Variants in NOX4 observed in about 807,000 individuals in gnomAD.
NOX4 encodes the protein NADPH oxidase 4.
A neutral mutation model predicts 87.6 loss-of-function variants in NOX4; 69 were observed. The observed-to-expected ratio is 0.79, with a 90% CI of 0.65 to 0.96. The LOEUF (loss-of-function observed/expected upper bound fraction) is 0.96, where lower values mean the gene tolerates loss of function less well. NOX4 is among the 40% of genes least tolerant of loss of function. NOX4 has a pLI of 0.00. For synonymous variants in NOX4, 275 were observed against 238.2 expected, an observed-to-expected ratio of 1.15 and a Z score of -1.42; for missense variants, 680 against 681.5, an observed-to-expected ratio of 1.00 and a Z score of 0.02.
At chr11:89,579,407 C>A in the NOX4 span, among the ~76,000 whole-genome samples, 14 of 151,704 alleles carry the variant, frequency 9.2e-5, no homozygotes, top group Non-Finnish European at 1.8e-4. Context: ...TGTGTGGGGA[C>A]AGAGAGTGTG....
chr11:89,400,168 T>C, intron 10 of NOX4, 47 bp downstream of exon 10: 1 of 1,587,720 alleles, frequency 6.3e-7, no homozygotes, highest in Non-Finnish European at 8.6e-7. Context: ...TTCCAAAAAT[T>C]ACATAAGGAT....
the NOX4 span, among the ~76,000 whole-genome samples, chr11:89,510,005 C>T: frequency 9.2e-5 from 14 of 152,006 alleles, no homozygotes; most frequent in Admixed American, 3.3e-4. Context: ...TTTGAACCTA[C>T]GGAGTGGTAA....
chr11:89,471,888 C>T (rs1945960583), intron 2 of NOX4, among the ~76,000 whole-genome samples: 1 of 152,184 alleles, frequency 6.6e-6, no homozygotes, highest in African/African-American at 2.4e-5. Context: ...ATTACAGGTG[C>T]ATAGCACCAC....
In NOX4 at chr11:89,491,301, C is replaced by A. The variant is rs1591381147; in HGVS notation, c.-55G>T. ...GCCCGCCGGACCGAGAAGGAGCGGGCGGCGGCCGGGGCAGCGGTTACAGTT... is the reference window on the plus strand; with the variant it reads ...GCCCGCCGGACCGAGAAGGAGCGGGAGGCGGCCGGGGCAGCGGTTACAGTT... On this transcript the variant is annotated 5_prime_UTR_variant, in exon 1 of 18. Transcript: ENST00000263317. 4 of 1,544,054 alleles carry A rather than the reference C, an allele frequency of 2.6e-6. No homozygotes were observed. The highest frequency in any genetic ancestry group is 1.2e-5 in the South Asian group (1 of 85,800).
At chr11:89,546,085 A>G in the NOX4 span, among the ~76,000 whole-genome samples, 1 of 152,192 alleles carries the variant, frequency 6.6e-6, no homozygotes, top group African/African-American at 2.4e-5. Context: ...ATTAGTTATT[A>G]ACCTACTGAA....
chr11:89,351,258 G>A (rs560571435), intron 13 of NOX4, among the ~76,000 whole-genome samples: 20 of 152,274 alleles, frequency 1.3e-4, no homozygotes, highest in Non-Finnish European at 2.9e-4. Flanking sequence ...TCTATTCCAT[G>A]AAGGCTGACA....
intron 11 of NOX4, among the ~76,000 whole-genome samples, chr11:89,382,742 C>A (rs185013974): frequency 3.3e-5 from 5 of 152,062 alleles, no homozygotes; most frequent in Non-Finnish European, 7.4e-5. Context: ...CCTGTTCACA[C>A]CCAGTCTGGC....
the NOX4 span, among the ~76,000 whole-genome samples, chr11:89,584,045 C>T: frequency 6.6e-6 from 1 of 152,096 alleles, no homozygotes; most frequent in Non-Finnish European, 1.5e-5. Flanking sequence ...CTGTTACTAT[C>T]GTAACAGTAA....
the NOX4 span, among the ~76,000 whole-genome samples, chr11:89,542,728 C>T: frequency 2.6e-5 from 4 of 152,166 alleles, no homozygotes; most frequent in Admixed American, 6.5e-5. Flanking sequence ...ATGCAATGAG[C>T]ATCGCATCCT....
intron 8 of NOX4, 139 bp downstream of exon 8, chr11:89,421,763 G>A (rs77667101): frequency 0.013 from 6,620 of 526,542 alleles, 382 homozygotes; most frequent in African/African-American, 0.12. Flanking sequence ...CATTCTTGAC[G>A]TTATCCTCAA....
At chr11:89,457,965 T>G (rs1033048054) in intron 2 of NOX4, among the ~76,000 whole-genome samples, 2 of 152,170 alleles carry the variant, frequency 1.3e-5, no homozygotes, top group African/African-American at 4.8e-5. Context: ...TCATTATAGT[T>G]AAAATGGCCA....
chr11:89,414,738 A>C (rs1419181455), intron 8 of NOX4, among the ~76,000 whole-genome samples: 1 of 151,786 alleles, frequency 6.6e-6, no homozygotes, highest in Non-Finnish European at 1.5e-5. Flanking sequence ...ACCATAAAGA[A>C]GCCATTTTCT....
At chr11:89,517,332 T>G in the NOX4 span, among the ~76,000 whole-genome samples, 2 of 152,104 alleles carry the variant, frequency 1.3e-5, no homozygotes, top group Admixed American at 6.6e-5. Context: ...AGTTTTTAAG[T>G]TATTTGGTTG....
chr11:89,348,405 A>G (rs544638989), intron 13 of NOX4, among the ~76,000 whole-genome samples: 97 of 150,164 alleles, frequency 6.5e-4, no homozygotes, highest in African/African-American at 2.3e-3. Context: ...ACAGAGTAAG[A>G]CTCCATCTCA....
chr11:89,360,176 G>A (rs1224025416), intron 12 of NOX4, among the ~76,000 whole-genome samples: 1 of 151,936 alleles, frequency 6.6e-6, no homozygotes, highest in Non-Finnish European at 1.5e-5. Flanking sequence ...CATTGTTTTG[G>A]CAATATAGGC....
chr11:89,548,998 T>G, the NOX4 span, among the ~76,000 whole-genome samples: 2 of 152,212 alleles, frequency 1.3e-5, no homozygotes, highest in Non-Finnish European at 2.9e-5. Flanking sequence ...AAGCACCATA[T>G]ATAACAAATC....
the NOX4 span, among the ~76,000 whole-genome samples, chr11:89,555,091 C>A: frequency 6.6e-6 from 1 of 152,154 alleles, no homozygotes; most frequent in East Asian, 1.9e-4. Flanking sequence ...TAGTTTCCTG[C>A]CCCAGTTCTC....
rs576874721 is a variant in NOX4 at position 89,425,639 on chromosome 11, G to C, written c.549-3657C>G. Among the ~76,000 whole-genome samples the C allele has an allele frequency of 2.4e-4, 36 of 151,998 alleles. No homozygotes were observed. In the South Asian group the frequency reaches 6.9e-3, roughly 29 times the overall value. ...TGGTAAAATACATATGTATATAAGAGAGAAAAAATGATTTGGGGGTAGGAG... is the reference window on the plus strand; with the variant it reads ...TGGTAAAATACATATGTATATAAGACAGAAAAAATGATTTGGGGGTAGGAG... On this transcript the variant is annotated intron_variant, in intron 7 of 17. Coordinates refer to ENST00000263317, the MANE Select transcript of NOX4 (RefSeq NM_016931.5).
intron 8 of NOX4, among the ~76,000 whole-genome samples, chr11:89,419,154 C>T (rs1942953301): frequency 6.6e-6 from 1 of 151,996 alleles, no homozygotes; most frequent in Non-Finnish European, 1.5e-5. Flanking sequence ...ATATATTGCT[C>T]TTCTTTACCT....
Sources: allele counts gnomAD v4.1 joint callset (sites outside exome capture counted in the v4.1 genomes callset), GRCh38; gene constraint gnomAD v4.1.1; transcripts MANE v1.5; gene names NCBI Gene and HGNC (gene_info 2026-07-23, HGNC 2026-07-21).